Variants in SF3A1 observed in about 807,000 individuals in gnomAD.
The protein encoded by SF3A1 is splicing factor 3a subunit 1.
SF3A1 carries 13 observed loss-of-function variants against 89.9 expected under a neutral mutation model. The observed-to-expected ratio is 0.14, with a 90% CI of 0.09 to 0.23. SF3A1 has a LOEUF of 0.23. SF3A1 is among the 10% of genes least tolerant of loss of function. SF3A1 has a pLI of 1.00. For missense variants in SF3A1, 604 were observed against 1,022.1 expected, an observed-to-expected ratio of 0.59 and a Z score of 5.58; for synonymous variants, 405 against 374.4, an observed-to-expected ratio of 1.08 and a Z score of -0.94.
intron 9 of SF3A1, among the ~76,000 whole-genome samples, chr22:30,339,788 G>A (rs1931191361): frequency 6.6e-6 from 1 of 152,160 alleles, no homozygotes; most frequent in Non-Finnish European, 1.5e-5. Flanking sequence ...ATAAGATGGT[G>A]AGTTAGAGAG....
rs750917655 is a variant in SF3A1 at position 30,335,659 on chromosome 22, G to A, written c.2201C>T (p.Thr734Met). Residue 734 changes from threonine (T) to methionine (M), a missense_variant, in exon 14 of 16, where the codon ACG becomes ATG. Coordinates refer to ENST00000215793, the MANE Select transcript of SF3A1 (RefSeq NM_005877.6). ...GQVLVFTLPL[T>M]DQVSVIKVKI... ...TTCTGGCAGTACCCATACCTGGTCC[G>A]TGAGTGGGAGGGTGAAGACCAGCAC... 8 of 1,613,908 alleles carry A rather than the reference G, an allele frequency of 5.0e-6. No homozygotes were observed. Among genetic ancestry groups the A allele is most frequent in the East Asian group, 2.2e-5 (1 of 44,886 alleles).
In SF3A1 at chr22:30,335,778, T is replaced by C. The variant is rs762741629; in HGVS notation, c.2107-25A>G. 5 of 1,587,232 alleles carry C rather than the reference T, an allele frequency of 3.2e-6. No homozygotes were observed. In the East Asian group the frequency reaches 8.9e-5, roughly 28 times the overall value. ...CCTACAAAACAGGAGGTGGTCATTA[T>C]GCCTAGGGAGCTCGGAGCCAATCAA... On this transcript the variant is annotated intron_variant, in intron 13 of 15. Transcript: ENST00000215793.
Position 30,335,543 on chromosome 22 carries a change from G to T in SF3A1, c.2209-5C>A. On this transcript the variant is annotated splice_region_variant and splice_polypyrimidine_tract_variant and intron_variant, in intron 14 of 15. Transcript: ENST00000215793. ...CTTCACCTTAATGACAGAGACCTGT[G>T]GGATCAAGCAGCGGTCATTCAACTC... 1 of 1,614,138 alleles carries T rather than the reference G, an allele frequency of 6.2e-7. No homozygotes were observed. Among genetic ancestry groups the T allele is most frequent in the South Asian group, 1.1e-5 (1 of 91,084 alleles).
At position 30,339,223 on chromosome 22, in the gene SF3A1, C is replaced by T. The variant is rs768412959; in HGVS notation, c.1404G>A (p.Gln468=). The change falls in exon 10 of 16, where the codon CAG becomes CAA. Residue 468 remains glutamine, a synonymous_variant. Transcript: ENST00000215793. Reference sequence around the variant, plus strand: ...AGATGTCAGTACGCCGCTCAGCCAACTGCTTCAAGCTGCTCTCAATATCCA... The same window carrying T: ...AGATGTCAGTACGCCGCTCAGCCAATTGCTTCAAGCTGCTCTCAATATCCA... ...PGLDIESSLK[Q]LAERRTDIFG... 6.2e-7 allele frequency: 1 copy of T among 1,614,100 alleles called. No individual in the cohort carries two copies. The highest frequency in any genetic ancestry group is 1.7e-5 in the Admixed American group (1 of 60,034).
chr22:30,343,281 A>C (rs973324274), intron 4 of SF3A1, among the ~76,000 whole-genome samples: 1 of 151,550 alleles, frequency 6.6e-6, no homozygotes, highest in Non-Finnish European at 1.5e-5. Flanking sequence ...TACTTGCCCC[A>C]CCTCCCTCTA....
At position 30,337,160 on chromosome 22, in the gene SF3A1, C is replaced by G; in HGVS notation, c.1972G>C (p.Val658Leu). 1 of 1,612,162 alleles carries G rather than the reference C, an allele frequency of 6.2e-7. No homozygotes were observed. The highest frequency in any genetic ancestry group is 8.5e-7 in the Non-Finnish European group (1 of 1,179,042). Residue 658 changes from valine to leucine, a missense_variant, in exon 13 of 16, where the codon GTG (valine) becomes CTG (leucine). Val to Leu is a conservative substitution (Grantham distance 32). Transcript: ENST00000215793. Reference sequence around the variant, plus strand: ...GGGGCTGGAGCTGGGACAGGTGCCACAGGTGGAGCAGGCACAAAGGCTGCA... The same window carrying G: ...GGGGCTGGAGCTGGGACAGGTGCCAGAGGTGGAGCAGGCACAAAGGCTGCA... ...VPTAFVPAPP[V>L]APVPAPAPMP...
intron 9 of SF3A1, 32 bp downstream of exon 9, chr22:30,340,164 T>G: frequency 6.2e-6 from 9 of 1,445,026 alleles, no homozygotes; most frequent in Non-Finnish European, 8.2e-6. Context: ...ATTCGGAGAC[T>G]ACCATGGGCT....
chr22:30,351,448 A>T (rs1486776375), intron 2 of SF3A1, among the ~76,000 whole-genome samples: 1 of 152,202 alleles, frequency 6.6e-6, no homozygotes, highest in Admixed American at 6.5e-5. Flanking sequence ...ACACATGCTG[A>T]TTGGGCCTGC....
chr22:30,342,103 TGAGA>T, intron 6 of SF3A1, 93 bp downstream of exon 6: 1 of 1,430,198 alleles, frequency 7.0e-7, no homozygotes, highest in South Asian at 1.2e-5. Context: ...TAAAGCCCTC[TGAGA>T]GATTCTACTG....
intron 11 of SF3A1, among the ~76,000 whole-genome samples, chr22:30,338,222 G>A (rs113248451): frequency 6.6e-6 from 1 of 152,110 alleles, no homozygotes; most frequent in Non-Finnish European, 1.5e-5. Context: ...ACTTTGGGAA[G>A]CTAAGGCAGG....
intron 11 of SF3A1, 21 bp from the exon 12 acceptor site, chr22:30,337,918 C>T (rs765228852): frequency 8.9e-6 from 14 of 1,573,468 alleles, no homozygotes; most frequent in Non-Finnish European, 6.9e-6. Flanking sequence ...AAGAGACCCA[C>T]AGATTACAGG....
Position 30,333,164 on chromosome 22 carries a change from T to G in SF3A1, c.*1430A>C, listed in dbSNP as rs59653506. 6.6e-6 allele frequency: 1 copy of G among 152,126 alleles called. No individual in the cohort carries two copies. Among genetic ancestry groups the G allele is most frequent in the African/African-American group, 2.4e-5 (1 of 41,396 alleles). 9.4% of individuals were successfully genotyped at this position (152,126 alleles called of 1,614,324 possible). ...GGCAAATGTCAGACAGGATAAGGGA[T>G]GACATCCCATCAATCAAGTTGAAAA... is the stretch of plus-strand genomic sequence containing the variant. On this transcript the variant is annotated 3_prime_UTR_variant, in exon 16 of 16. Transcript: ENST00000215793.
intron 6 of SF3A1, 52 bp downstream of exon 6, chr22:30,342,148 G>A (rs945000589): frequency 1.1e-5 from 17 of 1,601,894 alleles, no homozygotes; most frequent in Admixed American, 1.7e-5. Context: ...CAGGTTTCCC[G>A]GGAAGTCTGA....
At chr22:30,341,302 G>A (rs529683412) in intron 7 of SF3A1, among the ~76,000 whole-genome samples, 123 of 152,184 alleles carry the variant, frequency 8.1e-4, no homozygotes, top group Non-Finnish European at 1.5e-3. Context: ...TGGCTTGAAG[G>A]GGGTAGGGAT....
Position 30,334,563 on chromosome 22 carries a change from T to C in SF3A1, c.*31A>G. 2 of 1,450,920 alleles carry C rather than the reference T, an allele frequency of 1.4e-6. No individual in the cohort carries two copies. The highest frequency in any genetic ancestry group is 1.9e-6 in the Non-Finnish European group (2 of 1,073,558). 89.9% of individuals were successfully genotyped at this position (1,450,920 alleles called of 1,614,324 possible). A position where few individuals can be genotyped will look rare whatever the true frequency, so the allele number is the denominator to read the frequency against. ...GGGGTGGGAGACAGGAGAGGCAAAA[T>C]GGCAGGGACTTGACAGCAGGTTCCT... On this transcript the variant is annotated 3_prime_UTR_variant, in exon 16 of 16. Transcript: ENST00000215793.
intron 11 of SF3A1, 26 bp downstream of exon 11, chr22:30,338,763 C>A (rs1397056971): frequency 1.2e-6 from 2 of 1,613,200 alleles, no homozygotes; most frequent in South Asian, 2.2e-5. Flanking sequence ...CTAAAAAAGT[C>A]AGTTCCAGGG....
At chr22:30,336,853 T>C (rs1326141322) in intron 13 of SF3A1, among the ~76,000 whole-genome samples, 173 bp downstream of exon 13, 4 of 152,284 alleles carry the variant, frequency 2.6e-5, no homozygotes, top group East Asian at 1.9e-4. Flanking sequence ...GCTCCTCCAA[T>C]TGTTGGCCCC....
chr22:30,356,544 T>TA (rs1318110284), intron 1 of SF3A1, 186 bp downstream of exon 1: 12 of 436,916 alleles, frequency 2.7e-5, no homozygotes, highest in Non-Finnish European at 3.9e-5. Flanking sequence ...GCGGACCACT[T>TA]AGAGAATCCC....
In SF3A1 at chr22:30,341,829, C is replaced by G; in HGVS notation, c.934G>C (p.Glu312Gln). 6.2e-7 allele frequency: 1 copy of G among 1,614,052 alleles called. No homozygotes were observed. The highest frequency in any genetic ancestry group is 8.5e-7 in the Non-Finnish European group (1 of 1,180,020). Reference protein sequence around the residue: ...EELGARILIQERYEKFGESEE... With the variant: ...EELGARILIQQRYEKFGESEE... The stretch of plus-strand genomic sequence containing the variant: ...CTCTCCCCAAACTTTTCATAGCGCT[C>G]CTGAATGAGGATTCGGGCCCCCAGC... Residue 312 changes from glutamate (E) to glutamine (Q), a missense_variant, in exon 7 of 16, where the codon GAG becomes CAG. Physicochemically the swap from Glu to Gln is conservative, Grantham distance 29. Around this residue, in one of 9 missense-constraint regions of SF3A1, gnomAD observed 146 missense variants for 228.5 expected, o/e 0.64. Coordinates refer to ENST00000215793, the MANE Select transcript of SF3A1 (RefSeq NM_005877.6).
Sources: allele counts gnomAD v4.1 joint callset (sites outside exome capture counted in the v4.1 genomes callset), GRCh38; gene constraint gnomAD v4.1.1; regional missense constraint gnomAD v4.1.1; transcripts MANE v1.5; gene names NCBI Gene and HGNC (gene_info 2026-07-23, HGNC 2026-07-21).